The following RFTN1 variants were observed in gnomAD, a reference collection of about 807,000 sequenced individuals.
RFTN1 encodes the protein raftlin.
Under a neutral mutation model 46.5 loss-of-function variants are expected in RFTN1, and 26 were observed. The ratio of observed to expected loss-of-function variants is 0.56; its 90% CI spans 0.41 to 0.78. The LOEUF (loss-of-function observed/expected upper bound fraction) is 0.78. Ranked by LOEUF, RFTN1 falls within the 30% of genes least tolerant of loss-of-function variation. The probability of loss-of-function intolerance (pLI) is 0.00; values close to 1 mark genes in which losing one functional copy is unlikely to be tolerated. For synonymous variants in RFTN1, 261 were observed against 284.2 expected (o/e 0.92, Z 0.82); for missense variants, 693 against 718.7 (o/e 0.96, Z 0.41).
At chr3:16,360,765 ATAGT>A (rs1325890567) in intron 6 of RFTN1, among the ~76,000 whole-genome samples, 3 of 152,246 alleles carry the variant, frequency 2.0e-5, no homozygotes, top group South Asian at 2.1e-4. Flanking sequence ...CCATAGAAAA[ATAGT>A]TAAATTTGGA....
At position 16,331,910 on chromosome 3, in the gene RFTN1, G is replaced by A. The variant is rs144772637; in HGVS notation, c.1147-5034C>T. Among the ~76,000 whole-genome samples, 125 of 152,312 alleles carry A rather than the reference G, an allele frequency of 8.2e-4. 3 individuals carry two copies. In the East Asian group the frequency reaches 0.022, roughly 27 times the overall value. On this transcript the variant is annotated intron_variant, in intron 7 of 9. Coordinates refer to ENST00000334133, the MANE Select transcript of RFTN1 (RefSeq NM_015150.2). ...AGGTACAGACGTCTGGGCTGAAATT[G>A]ATTTATCCGTCAAAATTTTGAAAGT...
chr3:16,497,094 T>C (rs1205906333), intron 1 of RFTN1, among the ~76,000 whole-genome samples: 1 of 152,170 alleles, frequency 6.6e-6, no homozygotes, highest in African/African-American at 2.4e-5. Flanking sequence ...GCATAGAGGA[T>C]GAGGGGGCTT....
chr3:16,409,307 C>CT, intron 4 of RFTN1, 68 bp downstream of exon 4: 1 of 1,069,078 alleles, frequency 9.4e-7, no homozygotes, highest in South Asian at 1.3e-5. Flanking sequence ...CCTAAGGCAG[C>CT]TACCTGCCTG....
rs1296010184 is a variant in RFTN1 at position 16,338,983 on chromosome 3, G to T, written c.1147-12107C>A. On this transcript the variant is annotated intron_variant, in intron 7 of 9. Transcript: ENST00000334133. This position sits in a 1 kb window ranked among gnomAD's most constrained non-coding sequence, Gnocchi z 5.3. Reference sequence around the variant, plus strand: ...AAATGCAAACCCAGAAGAGGTCTCTGAATAAAGGTTGGTTCAAAACCTTAA... The same window carrying T: ...AAATGCAAACCCAGAAGAGGTCTCTTAATAAAGGTTGGTTCAAAACCTTAA... 6.6e-6 allele frequency among the ~76,000 whole-genome samples: 1 copy of T among 152,170 alleles called. No homozygotes were observed. Among genetic ancestry groups the T allele is most frequent in the East Asian group, 1.9e-4 (1 of 5,202 alleles).
In RFTN1 at chr3:16,479,148, C is replaced by A. The variant is rs573138792; in HGVS notation, c.145+14577G>T. On this transcript the variant is annotated intron_variant, in intron 2 of 9. Transcript: ENST00000334133. The surrounding 1 kb of genome is among the most constrained non-coding windows in gnomAD (Gnocchi z 5.1). The stretch of plus-strand genomic sequence containing the variant: ...AGGTAACTTGGCTCCCAAACCCAAG[C>A]ACTGTATAGTACTCTAACATTCCTT... Among the ~76,000 whole-genome samples, 1 of 152,314 alleles carries A rather than the reference C, an allele frequency of 6.6e-6. No individual in the cohort carries two copies. Among genetic ancestry groups the A allele is most frequent in the East Asian group, 1.9e-4 (1 of 5,186 alleles).
Position 16,335,546 on chromosome 3 carries a change from G to C in RFTN1, c.1147-8670C>G, listed in dbSNP as rs550642846. 2.5e-4 allele frequency among the ~76,000 whole-genome samples: 38 copies of C among 152,338 alleles called. No individual in the cohort carries two copies. The highest frequency in any genetic ancestry group is 9.1e-4 in the African/African-American group (38 of 41,572). On this transcript the variant is annotated intron_variant, in intron 7 of 9. Transcript: ENST00000334133. This position sits in a 1 kb window ranked among gnomAD's most constrained non-coding sequence, Gnocchi z 4.7. ...AAACACCACATGTTCTCACTTACAAGTGGGAGAGCTGAACGGTGAAAACAC... is the reference window on the plus strand; with the variant it reads ...AAACACCACATGTTCTCACTTACAACTGGGAGAGCTGAACGGTGAAAACAC...
chr3:16,328,455 GC>G (rs2069957146), intron 7 of RFTN1, among the ~76,000 whole-genome samples: 1 of 152,222 alleles, frequency 6.6e-6, no homozygotes, highest in African/African-American at 2.4e-5. Flanking sequence ...CAACCTACCT[GC>G]CCTGTCTCTT....
In RFTN1 at chr3:16,316,341, T is replaced by C. The variant is rs536087715; in HGVS notation, c.*487A>G. ...TCAAAGCAGAAGAGTCGAAGGGGTT[T>C]AGGTGGAGGAGGGCAGCTGACAGGG... is the stretch of plus-strand genomic sequence containing the variant. On this transcript the variant is annotated 3_prime_UTR_variant, in exon 10 of 10. Coordinates refer to ENST00000334133, the MANE Select transcript of RFTN1 (RefSeq NM_015150.2). This position sits in a 1 kb window ranked among gnomAD's most constrained non-coding sequence, Gnocchi z 4.5. 5.5e-6 allele frequency: 1 copy of C among 182,136 alleles called. No individual in the cohort carries two copies. Among genetic ancestry groups the C allele is most frequent in the Non-Finnish European group, 1.1e-5 (1 of 89,008 alleles). 11.3% of individuals were successfully genotyped at this position (182,136 alleles called of 1,614,324 possible).
rs781090506 is a variant in RFTN1 at position 16,317,003 on chromosome 3, G to C, written c.1562C>G (p.Ser521Cys). 6.2e-7 allele frequency: 1 copy of C among 1,613,540 alleles called. No individual in the cohort carries two copies. The highest frequency in any genetic ancestry group is 8.5e-7 in the Non-Finnish European group (1 of 1,179,880). ...PVQEDKGEQL[S>C]PGGLLCGVGV... ...CACCCCACACAGCAGGCCACCAGGGGACAGCTGTTCTCCCTTGTCCTCTTG... is the reference window on the plus strand; with the variant it reads ...CACCCCACACAGCAGGCCACCAGGGCACAGCTGTTCTCCCTTGTCCTCTTG... The change falls in exon 10 of 10, where the codon TCC becomes TGC. Residue 521 changes from serine (S) to cysteine (C), a missense_variant. Coordinates refer to ENST00000334133, the MANE Select transcript of RFTN1 (RefSeq NM_015150.2). This position sits in a 1 kb window ranked among gnomAD's most constrained non-coding sequence, Gnocchi z 4.3.
In RFTN1 at chr3:16,418,815, T is replaced by C. The variant is rs564676637; in HGVS notation, c.333-9332A>G. Among the ~76,000 whole-genome samples, 172 of 152,320 alleles carry C rather than the reference T, an allele frequency of 1.1e-3. 1 individual carries two copies. The highest frequency in any genetic ancestry group is 3.9e-3 in the African/African-American group (164 of 41,568). On this transcript the variant is annotated intron_variant, in intron 3 of 9. Transcript: ENST00000334133. The surrounding 1 kb of genome is among the most constrained non-coding windows in gnomAD (Gnocchi z 5.0). ...TAATGACAATAAAAATCTCCACTTA[T>C]TCATTTGTCTATCCATCACCTGCTT...
In RFTN1 at chr3:16,383,521, T is replaced by C. The variant is rs1575190904; in HGVS notation, c.442-5419A>G. On this transcript the variant is annotated intron_variant, in intron 4 of 9. Coordinates refer to ENST00000334133, the MANE Select transcript of RFTN1 (RefSeq NM_015150.2). This position sits in a 1 kb window ranked among gnomAD's most constrained non-coding sequence, Gnocchi z 4.0. ...AAGTCACAAGTCATTGTAAAAAAAA[T>C]CTTTGGTTATATATTTGAGGAATTA... 6.6e-6 allele frequency among the ~76,000 whole-genome samples: 1 copy of C among 152,174 alleles called. No individual in the cohort carries two copies.
intron 4 of RFTN1, among the ~76,000 whole-genome samples, chr3:16,390,771 C>T (rs1052881792): frequency 6.6e-6 from 1 of 152,120 alleles, no homozygotes; most frequent in East Asian, 1.9e-4. Context: ...TGGGGAGTGT[C>T]TTAGAAGTTA....
intron 7 of RFTN1, among the ~76,000 whole-genome samples, chr3:16,333,067 T>C (rs1017593895): frequency 6.6e-6 from 1 of 152,248 alleles, no homozygotes; most frequent in African/African-American, 2.4e-5. Context: ...CCAACAGCAC[T>C]ATAACTCATG....
chr3:16,452,760 G>A lies in RFTN1; in HGVS notation c.146-18723C>T, dbSNP rs915814843. Among the ~76,000 whole-genome samples, 22 of 152,154 alleles carry A rather than the reference G, an allele frequency of 1.4e-4. No individual in the cohort carries two copies. The highest frequency in any genetic ancestry group is 5.3e-4 in the African/African-American group (22 of 41,418). ...ACTGGATTTAGAGATCACTGGGAGT[G>A]GAGAAATGCAACCAAGTCAGGCCGA... On this transcript the variant is annotated intron_variant, in intron 2 of 9. Transcript: ENST00000334133. This position sits in a 1 kb window ranked among gnomAD's most constrained non-coding sequence, Gnocchi z 6.3.
Position 16,432,011 on chromosome 3 carries a change from A to G in RFTN1, c.332+1840T>C, listed in dbSNP as rs148617595. ...TCAACATTTGTGTCTCAGTTTTCTCACCTTTAAAATGGGAACAAAGATGAC... is the reference window on the plus strand; with the variant it reads ...TCAACATTTGTGTCTCAGTTTTCTCGCCTTTAAAATGGGAACAAAGATGAC... On this transcript the variant is annotated intron_variant, in intron 3 of 9. Coordinates refer to ENST00000334133, the MANE Select transcript of RFTN1 (RefSeq NM_015150.2). Among the ~76,000 whole-genome samples the G allele has an allele frequency of 4.4e-3, 674 of 152,242 alleles. 6 individuals carry two copies. Among genetic ancestry groups the G allele is most frequent in the African/African-American group, 0.015 (628 of 41,548 alleles).
chr3:16,505,860 C>T (rs1293157047), intron 1 of RFTN1, among the ~76,000 whole-genome samples: 2 of 152,252 alleles, frequency 1.3e-5, no homozygotes, highest in Middle Eastern at 3.4e-3. Context: ...AACAGGATTG[C>T]CACTCTAGGC....
chr3:16,345,439 GGGTGT>G lies in RFTN1; in HGVS notation c.1146+12488_1146+12492del, dbSNP rs2071589906. 6.6e-6 allele frequency among the ~76,000 whole-genome samples: 1 copy of G among 152,184 alleles called. No homozygotes were observed. Among genetic ancestry groups the G allele is most frequent in the African/African-American group, 2.4e-5 (1 of 41,436 alleles). On this transcript the variant is annotated intron_variant, in intron 7 of 9. Coordinates refer to ENST00000334133, the MANE Select transcript of RFTN1 (RefSeq NM_015150.2). The surrounding 1 kb of genome is among the most constrained non-coding windows in gnomAD (Gnocchi z 5.2). ...AACATTATTTTTGGGCATGTTGTGAGGGTGTTTCTGGAAAAGATTAGCATTTGAAT... is the reference window on the plus strand; with the variant it reads ...AACATTATTTTTGGGCATGTTGTGAGTTCTGGAAAAGATTAGCATTTGAAT...
In RFTN1 at chr3:16,407,489, G is replaced by C. The variant is rs1455606062; in HGVS notation, c.441+1886C>G. Among the ~76,000 whole-genome samples, 1 of 152,100 alleles carries C rather than the reference G, an allele frequency of 6.6e-6. No homozygotes were observed. Among genetic ancestry groups the C allele is most frequent in the Non-Finnish European group, 1.5e-5 (1 of 68,036 alleles). ...ATTACCAGCTGAGCCACTGTGCCCA[G>C]CCTCAAATCACATGTTTTTAAAAAG... is the stretch of plus-strand genomic sequence containing the variant. On this transcript the variant is annotated intron_variant, in intron 4 of 9. Transcript: ENST00000334133. This position sits in a 1 kb window ranked among gnomAD's most constrained non-coding sequence, Gnocchi z 4.0.
intron 6 of RFTN1, among the ~76,000 whole-genome samples, chr3:16,365,894 T>C (rs1461440000): frequency 6.6e-6 from 1 of 152,152 alleles, no homozygotes; most frequent in Non-Finnish European, 1.5e-5. Context: ...AGGGCTCTTC[T>C]AGGCAAAAAG....
Sources: gnomAD v4.1 joint callset for allele counts (sites outside exome capture counted in the v4.1 genomes callset) on GRCh38, gnomAD v4.1.1 for gene constraint, Gnocchi (gnomAD v3.1) non-coding constraint, MANE v1.5 for transcripts, NCBI Gene and HGNC (gene_info 2026-07-23, HGNC 2026-07-21) for gene names.